KIF21A: variants seen among roughly 807,000 people sequenced by gnomAD.
KIF21A encodes the protein kinesin family member 21A.
A neutral mutation model predicts 202.9 loss-of-function variants in KIF21A; 114 were observed. The ratio of observed to expected loss-of-function variants is 0.56; its 90% CI spans 0.48 to 0.66. KIF21A has a LOEUF of 0.66. KIF21A is among the 30% of genes least tolerant of loss of function. The pLI, the probability that KIF21A is intolerant of heterozygous loss-of-function variation, is 0.00. For synonymous variants in KIF21A, 667 were observed against 670.8 expected, an observed-to-expected ratio of 0.99 and a Z score of 0.09; for missense variants, 1,677 against 1,994.9, an observed-to-expected ratio of 0.84 and a Z score of 3.04.
chr12:39,293,620 A>G lies in KIF21A; in HGVS notation c.*804T>C, dbSNP rs1002451021. The G allele has an allele frequency of 3.3e-5, 5 of 152,570 alleles. No homozygotes were observed. The highest frequency in any genetic ancestry group is 5.9e-5 in the Non-Finnish European group (4 of 68,012). The allele number at this position is 152,570 out of a possible 1,614,324, so 9.5% of individuals were successfully genotyped here. ...GGGAAGGAAATACTACTATTAAATA[A>G]AAACAAAATTAAATGGTCATAATAG... On this transcript the variant is annotated 3_prime_UTR_variant, in exon 38 of 38. Transcript: ENST00000361418.
chr12:39,384,531 C>T (rs1318257701), intron 1 of KIF21A, among the ~76,000 whole-genome samples: 2 of 152,192 alleles, frequency 1.3e-5, no homozygotes, highest in Non-Finnish European at 2.9e-5. Flanking sequence ...CAAATGTTGG[C>T]AGCCACATCC....
chr12:39,346,718 TA>T (rs1565889038), intron 11 of KIF21A, among the ~76,000 whole-genome samples: 2 of 152,004 alleles, frequency 1.3e-5, no homozygotes, highest in Non-Finnish European at 2.9e-5. Context: ...GCAATATATC[TA>T]AGAAGAGTAT....
At chr12:39,372,821 A>G (rs146182756) in intron 1 of KIF21A, among the ~76,000 whole-genome samples, 72 of 152,176 alleles carry the variant, frequency 4.7e-4, no homozygotes, top group African/African-American at 1.7e-3. Context: ...AAAAACCCCA[A>G]TCCTCTTTAG....
At chr12:39,340,847 TA>T in intron 15 of KIF21A, 58 bp downstream of exon 15, 2 of 1,238,288 alleles carry the variant, frequency 1.6e-6, no homozygotes, top group Non-Finnish European at 2.4e-6. Context: ...AAGGAAAAGA[TA>T]AAAACCCATT....
At position 39,325,910 on chromosome 12, in the gene KIF21A, A is replaced by C; in HGVS notation, c.3402-17T>G. The C allele has an allele frequency of 1.3e-6, 2 of 1,596,558 alleles. No individual in the cohort carries two copies. The highest frequency in any genetic ancestry group is 1.1e-5 in the South Asian group (1 of 90,432). ...GACAGCGTGCTATGTGCAAATAAAT[A>C]ATTAAGCACAAGATTAAATAGAAAA... On this transcript the variant is annotated splice_polypyrimidine_tract_variant and intron_variant, in intron 25 of 37. Coordinates refer to ENST00000361418, the MANE Select transcript of KIF21A (RefSeq NM_001173464.2).
chr12:39,391,846 T>G (rs978666515), intron 1 of KIF21A, among the ~76,000 whole-genome samples: 2 of 151,920 alleles, frequency 1.3e-5, no homozygotes, highest in Non-Finnish European at 2.9e-5. Context: ...TTCAAGCAAT[T>G]TTCTGCCCCA....
chr12:39,301,769 C>T, intron 36 of KIF21A, 90 bp from the exon 37 acceptor site: 2 of 1,112,012 alleles, frequency 1.8e-6, no homozygotes, highest in Non-Finnish European at 2.7e-6. Context: ...ATTTTATTGC[C>T]AAAACTTGAT....
In KIF21A at chr12:39,322,797, G is replaced by A. The variant is rs143083005; in HGVS notation, c.3542C>T (p.Ser1181Phe). ...AACAGGTGTGAGAGGGCCAGGCAAG[G>A]AGGCATCTCCTGTACTAGTGTCTGA... ...LASDTSTGDA[S>F]LPGPLTPVAE... The change falls in exon 27 of 38, where the codon TCC (serine) becomes TTC (phenylalanine). Residue 1181 changes from serine (S) to phenylalanine (F), a missense_variant. Ser to Phe is a radical substitution (Grantham distance 155). Coordinates refer to ENST00000361418, the MANE Select transcript of KIF21A (RefSeq NM_001173464.2). 5 of 1,614,074 alleles carry A rather than the reference G, an allele frequency of 3.1e-6. No individual in the cohort carries two copies. Among genetic ancestry groups the A allele is most frequent in the South Asian group, 2.2e-5 (2 of 91,080 alleles).
intron 26 of KIF21A, among the ~76,000 whole-genome samples, chr12:39,324,118 AAAG>A (rs1250502035): frequency 6.6e-6 from 1 of 152,162 alleles, no homozygotes; most frequent in East Asian, 1.9e-4. Context: ...TCAAAAAAAA[AAAG>A]AAATGATACG....
At chr12:39,410,079 C>T (rs962708970) in intron 1 of KIF21A, among the ~76,000 whole-genome samples, 11 of 152,146 alleles carry the variant, frequency 7.2e-5, no homozygotes, top group Admixed American at 6.5e-4. Context: ...GATCTGCCCG[C>T]CTTATCCTCC....
intron 1 of KIF21A, among the ~76,000 whole-genome samples, chr12:39,398,134 T>C (rs1468864680): frequency 2.0e-5 from 3 of 152,248 alleles, no homozygotes; most frequent in African/African-American, 4.8e-5. Flanking sequence ...CAATGTTGTA[T>C]ACACTATGCT....
chr12:39,371,169 T>G (rs946862743), intron 1 of KIF21A, among the ~76,000 whole-genome samples: 2 of 152,314 alleles, frequency 1.3e-5, no homozygotes, highest in South Asian at 4.1e-4. Flanking sequence ...TTCTGAATAT[T>G]TTCAATCCAC....
chr12:39,372,117 G>C (rs1950005784), intron 1 of KIF21A, among the ~76,000 whole-genome samples: 1 of 150,976 alleles, frequency 6.6e-6, no homozygotes, highest in Non-Finnish European at 1.5e-5. Context: ...CCAAGCCCAA[G>C]TCCAGATCCC....
At chr12:39,435,750 A>C (rs1178681553) in intron 1 of KIF21A, among the ~76,000 whole-genome samples, 2 of 151,962 alleles carry the variant, frequency 1.3e-5, no homozygotes, top group Non-Finnish European at 2.9e-5. Context: ...GTTGGAGTAA[A>C]GTATTAAGAA....
At position 39,424,534 on chromosome 12, in the gene KIF21A, GAATGTCCAAT is replaced by G. The variant is rs569357848; in HGVS notation, c.44+18383_44+18392del. On this transcript the variant is annotated intron_variant, in intron 1 of 37. Transcript: ENST00000361418. ...AATAACTGACTTGACATCTTTATTA[GAATGTCCAAT>G]ATGCACAACAATTTCAACACAGACA... Among the ~76,000 whole-genome samples, 12 of 152,252 alleles carry G rather than the reference GAATGTCCAAT, an allele frequency of 7.9e-5. No homozygotes were observed. In the East Asian group the frequency reaches 1.7e-3, roughly 22 times the overall value.
intron 7 of KIF21A, among the ~76,000 whole-genome samples, chr12:39,360,741 G>A (rs1949145497): frequency 6.6e-6 from 1 of 152,010 alleles, no homozygotes; most frequent in Non-Finnish European, 1.5e-5. Flanking sequence ...GTATTTTCCA[G>A]AATTTTTGCC....
At chr12:39,299,152 A>G (rs781205875) in intron 37 of KIF21A, among the ~76,000 whole-genome samples, 4 of 152,028 alleles carry the variant, frequency 2.6e-5, no homozygotes, top group Non-Finnish European at 5.9e-5. Flanking sequence ...AGCAAAAGAA[A>G]CTATCAATAG....
chr12:39,325,331 G>T (rs544039432), intron 26 of KIF21A, among the ~76,000 whole-genome samples: 29 of 127,886 alleles, frequency 2.3e-4, no homozygotes, highest in African/African-American at 9.7e-4. Flanking sequence ...CCACCAAGGA[G>T]AATTTTTTTT....
At chr12:39,339,448 C>T (rs1057010891) in intron 16 of KIF21A, among the ~76,000 whole-genome samples, 1 of 152,162 alleles carries the variant, frequency 6.6e-6, no homozygotes. Context: ...GCTATACCAT[C>T]GTGGTTTGTA....
Sources: gnomAD v4.1 joint callset for allele counts (sites outside exome capture counted in the v4.1 genomes callset) on GRCh38, gnomAD v4.1.1 for gene constraint, MANE v1.5 for transcripts, NCBI Gene and HGNC (gene_info 2026-07-23, HGNC 2026-07-21) for gene names.